OTC: variants seen among roughly 807,000 people sequenced by gnomAD.
OTC encodes the protein ornithine transcarbamylase.
A neutral mutation model predicts 30.3 loss-of-function variants in OTC; 3 were observed. The observed-to-expected ratio is 0.10, with a 90% CI of 0.05 to 0.26. OTC has a LOEUF of 0.26. OTC is among the 10% of genes least tolerant of loss of function. The pLI, the probability that OTC is intolerant of heterozygous loss-of-function variation, is 1.00. For missense variants in OTC, 194 were observed against 260.3 expected (o/e 0.75, Z 1.75); for synonymous variants, 111 against 99.7 (o/e 1.11, Z -0.67).
chrX:38,350,700 C>T (rs2068209974), upstream of OTC, among the ~76,000 whole-genome samples: 1 of 111,176 alleles, frequency 9.0e-6, no homozygotes, highest in Admixed American at 9.6e-5. Flanking sequence ...TTTTAGTTCC[C>T]TCTGGCTTTG....
At chrX:38,339,124 G>A in the OTC span, among the ~76,000 whole-genome samples, 2 of 112,162 alleles carry the variant, frequency 1.8e-5, no homozygotes, top group Non-Finnish European at 3.8e-5. Flanking sequence ...TTCATTAGGA[G>A]TCCAGAAGTT....
intron 5 of OTC, 87 bp from the exon 6 acceptor site, chrX:38,403,531 T>A: frequency 2.0e-6 from 2 of 1,017,853 alleles, no homozygotes; most frequent in Non-Finnish European, 2.8e-6. Context: ...AATACTGAGA[T>A]TAAGACTATT....
chrX:38,422,880 A>G (rs1163068483), downstream of OTC, among the ~76,000 whole-genome samples: 1 of 111,975 alleles, frequency 8.9e-6, no homozygotes, highest in Non-Finnish European at 1.9e-5. Context: ...CGAAAATTCT[A>G]GAAATGACGC....
upstream of OTC, among the ~76,000 whole-genome samples, chrX:38,349,263 A>G (rs2068203362): frequency 8.9e-6 from 1 of 112,053 alleles, no homozygotes; most frequent in Non-Finnish European, 1.9e-5. Flanking sequence ...ACTGTGGGCA[A>G]TTGAGGTTCA....
chrX:38,368,086 G>T (rs1287314325), intron 2 of OTC, among the ~76,000 whole-genome samples: 2 of 101,880 alleles, frequency 2.0e-5, no homozygotes, highest in Middle Eastern at 5.0e-3. Context: ...TGAAGGCCAG[G>T]CGCAGTGGCT....
At chrX:38,344,945 C>T in the OTC span, among the ~76,000 whole-genome samples, 1 of 109,986 alleles carries the variant, frequency 9.1e-6, no homozygotes, top group African/African-American at 3.3e-5. Flanking sequence ...CAGTGGCTCA[C>T]GCTTGTAATC....
intron 1 of OTC, 114 bp downstream of exon 1, chrX:38,352,887 T>C: frequency 1.8e-6 from 1 of 565,830 alleles, no homozygotes; most frequent in South Asian, 2.4e-5. Flanking sequence ...TGCTTTACTC[T>C]TATTTGAGAC....
intron 4 of OTC, among the ~76,000 whole-genome samples, chrX:38,383,272 G>A (rs934516126): frequency 2.7e-5 from 3 of 111,724 alleles, no homozygotes; most frequent in Non-Finnish European, 3.8e-5. Context: ...ATTGTCTGCC[G>A]TGGACCTCTT....
chrX:38,353,471 C>T (rs1346978845), intron 1 of OTC, among the ~76,000 whole-genome samples: 2 of 111,637 alleles, frequency 1.8e-5, no homozygotes, highest in African/African-American at 6.5e-5. Context: ...ACATCACTAC[C>T]AGAAAGCTTC....
At position 38,369,895 on chromosome X, in the gene OTC, T is replaced by A. The variant is rs768834487; in HGVS notation, c.298+18T>A. ...AGAAACAGGTAAGTCCACTGCCAAA[T>A]TCACACTTGTGTTGAAGAGAGGGAT... is the stretch of plus-strand genomic sequence containing the variant. On this transcript the variant is annotated intron_variant, in intron 3 of 9. Transcript: ENST00000039007. The A allele has an allele frequency of 1.8e-6, 2 of 1,086,708 alleles. No homozygotes were observed. Among genetic ancestry groups the A allele is most frequent in the Non-Finnish European group, 2.6e-6 (2 of 781,819 alleles). The allele number at this position is 1,086,708 out of a possible 1,213,427, so 89.6% of individuals were successfully genotyped here. A position where few individuals can be genotyped will look rare whatever the true frequency, so the allele number is the denominator to read the frequency against.
At chrX:38,403,539 AT>A in intron 5 of OTC, 78 bp from the exon 6 acceptor site, 1 of 1,058,480 alleles carries the variant, frequency 9.4e-7, no homozygotes, top group Non-Finnish European at 1.3e-6. Flanking sequence ...GATTAAGACT[AT>A]TTATTTTAAC....
chrX:38,408,664 G>A, intron 6 of OTC, 78 bp from the exon 7 acceptor site: 1 of 680,805 alleles, frequency 1.5e-6, no homozygotes, highest in Non-Finnish European at 2.3e-6. Flanking sequence ...ACGCGATATT[G>A]AAAAGAAAAT....
At chrX:38,422,658 T>C (rs2068601345), downstream of OTC, among the ~76,000 whole-genome samples, 1 of 112,346 alleles carries the variant, frequency 8.9e-6, no homozygotes, top group African/African-American at 3.2e-5. Context: ...GCTTTCTTTA[T>C]TGTGTACATA....
chrX:38,365,226 A>G (rs2068289581), intron 1 of OTC, among the ~76,000 whole-genome samples: 1 of 113,100 alleles, frequency 8.8e-6, no homozygotes. Flanking sequence ...GGTGAACCAC[A>G]ATTTGCCTTT....
intron 3 of OTC, among the ~76,000 whole-genome samples, chrX:38,371,461 A>G (rs1014464950): frequency 1.8e-5 from 2 of 111,915 alleles, no homozygotes; most frequent in African/African-American, 3.2e-5. Context: ...GCAAACAAAA[A>G]CATATTGGTT....
intron 4 of OTC, among the ~76,000 whole-genome samples, chrX:38,400,959 C>G (rs1385964932): frequency 8.9e-6 from 1 of 112,309 alleles, no homozygotes; most frequent in Non-Finnish European, 1.9e-5. Flanking sequence ...CTCCGTATAT[C>G]TTGCTTTTGG....
At chrX:38,346,870 G>A in the OTC span, among the ~76,000 whole-genome samples, 1 of 112,066 alleles carries the variant, frequency 8.9e-6, no homozygotes, top group African/African-American at 3.2e-5. Flanking sequence ...TGATTGTGGT[G>A]GTGGTTATAC....
chrX:38,418,688 G>A (rs933179733), intron 9 of OTC, among the ~76,000 whole-genome samples: 1 of 111,564 alleles, frequency 9.0e-6, no homozygotes, highest in African/African-American at 3.3e-5. Context: ...CCCCCATACT[G>A]TTCTTATGGT....
chrX:38,385,076 C>A (rs960185892), intron 4 of OTC, among the ~76,000 whole-genome samples: 1 of 111,051 alleles, frequency 9.0e-6, no homozygotes, highest in African/African-American at 3.3e-5. Flanking sequence ...TCAGGACCAG[C>A]CTGGCCAACA....
Sources: gnomAD v4.1 joint callset for allele counts (sites outside exome capture counted in the v4.1 genomes callset) on GRCh38, gnomAD v4.1.1 for gene constraint, MANE v1.5 for transcripts, NCBI Gene and HGNC (gene_info 2026-07-23, HGNC 2026-07-21) for gene names.